SH3RF1: variants seen among roughly 807,000 people sequenced by gnomAD.
SH3RF1 encodes the protein SH3 domain containing ring finger 1, also known as E3 ubiquitin-protein ligase SH3RF1.
SH3RF1 carries 32 observed loss-of-function variants against 74.0 expected under a neutral mutation model. That is an observed-to-expected ratio of 0.43 (90% confidence interval 0.33 to 0.58). The LOEUF is 0.58. Ranked by LOEUF, SH3RF1 falls within the 20% of genes least tolerant of loss-of-function variation. The probability of loss-of-function intolerance (pLI) is 0.05; values close to 1 mark genes in which losing one functional copy is unlikely to be tolerated. For missense variants in SH3RF1, 954 were observed against 1,130.9 expected, an observed-to-expected ratio of 0.84 and a Z score of 2.24; for synonymous variants, 396 against 439.6, an observed-to-expected ratio of 0.90 and a Z score of 1.24.
chr4:169,107,654 T>C (rs1733168748), intron 10 of SH3RF1, among the ~76,000 whole-genome samples: 1 of 152,256 alleles, frequency 6.6e-6, no homozygotes, highest in Admixed American at 6.5e-5. Context: ...CTGCCTATCC[T>C]ATCTCTAATT....
intron 4 of SH3RF1, among the ~76,000 whole-genome samples, chr4:169,144,838 A>G (rs1364035748): frequency 6.6e-6 from 1 of 152,096 alleles, no homozygotes; most frequent in Non-Finnish European, 1.5e-5. Flanking sequence ...AACCACTCTA[A>G]GTCAAGCATA....
At chr4:169,176,911 G>C (rs1010032733) in intron 2 of SH3RF1, among the ~76,000 whole-genome samples, 53 of 151,318 alleles carry the variant, frequency 3.5e-4, no homozygotes, top group Non-Finnish European at 8.9e-5. Flanking sequence ...GCATGTTACC[G>C]TGCCTGGTTA....
intron 11 of SH3RF1, among the ~76,000 whole-genome samples, chr4:169,101,975 T>A (rs1322943794): frequency 6.6e-6 from 1 of 152,228 alleles, no homozygotes; most frequent in African/African-American, 2.4e-5. Flanking sequence ...CAATCTTTTA[T>A]TAGTATACAT....
chr4:169,118,962 C>A (rs1159827609), intron 8 of SH3RF1, among the ~76,000 whole-genome samples: 4 of 152,182 alleles, frequency 2.6e-5, no homozygotes, highest in African/African-American at 7.2e-5. Context: ...TTCCATATTC[C>A]AAATTCATTT....
chr4:169,230,620 A>G (rs1464098014), intron 2 of SH3RF1, among the ~76,000 whole-genome samples: 1 of 152,138 alleles, frequency 6.6e-6, no homozygotes, highest in African/African-American at 2.4e-5. Context: ...TCACTTTGGG[A>G]GGCCAAGATG....
chr4:169,163,054 C>T (rs1343175675), intron 2 of SH3RF1, among the ~76,000 whole-genome samples: 2 of 150,670 alleles, frequency 1.3e-5, no homozygotes, highest in African/African-American at 4.9e-5. Context: ...AGCAGCCTTG[C>T]TGTTTTGCGG....
At chr4:169,167,062 T>C in intron 2 of SH3RF1, 1 of 202,184 alleles carries the variant, frequency 4.9e-6, no homozygotes, top group East Asian at 1.5e-4. Context: ...CAGGGCTACC[T>C]ATAATCTGTG....
At chr4:169,114,183 G>A (rs1733291771) in intron 10 of SH3RF1, among the ~76,000 whole-genome samples, 1 of 152,270 alleles carries the variant, frequency 6.6e-6, no homozygotes, top group African/African-American at 2.4e-5. Flanking sequence ...ATCAAGGTGT[G>A]GCAGGGCTGG....
intron 2 of SH3RF1, among the ~76,000 whole-genome samples, chr4:169,197,013 TA>T (rs1025686611): frequency 3.3e-5 from 5 of 152,138 alleles, no homozygotes; most frequent in Admixed American, 3.3e-4. Context: ...AATTTATTAT[TA>T]TTATTTTTTG....
chr4:169,144,295 A>G (rs1377947695), intron 4 of SH3RF1, among the ~76,000 whole-genome samples: 1 of 152,226 alleles, frequency 6.6e-6, no homozygotes, highest in Non-Finnish European at 1.5e-5. Flanking sequence ...AACATGAAGC[A>G]AGACTTAATG....
chr4:169,165,615 C>T (rs1172114378), intron 2 of SH3RF1, among the ~76,000 whole-genome samples: 1 of 147,616 alleles, frequency 6.8e-6, no homozygotes, highest in Non-Finnish European at 1.5e-5. Flanking sequence ...CAGAGCAAGA[C>T]TCTGTCTCAG....
At chr4:169,224,405 C>G (rs1730622888) in intron 2 of SH3RF1, among the ~76,000 whole-genome samples, 1 of 151,910 alleles carries the variant, frequency 6.6e-6, no homozygotes, top group Non-Finnish European at 1.5e-5. Flanking sequence ...GCAACCTCCA[C>G]CTCCTGGGTT....
chr4:169,209,098 G>C (rs1248601092), intron 2 of SH3RF1, among the ~76,000 whole-genome samples: 1 of 152,014 alleles, frequency 6.6e-6, no homozygotes, highest in Non-Finnish European at 1.5e-5. Context: ...AGACCAGCCT[G>C]GCCAACATGG....
chr4:169,228,396 T>TTC (rs397704026), intron 2 of SH3RF1, among the ~76,000 whole-genome samples: 1 of 152,012 alleles, frequency 6.6e-6, no homozygotes, highest in South Asian at 2.1e-4. Flanking sequence ...GTGTTTTTTT[T>TTC]CTGGAGGTTC....
At chr4:169,215,816 G>C (rs150366418) in intron 2 of SH3RF1, among the ~76,000 whole-genome samples, 42 of 150,882 alleles carry the variant, frequency 2.8e-4, no homozygotes, top group Non-Finnish European at 4.7e-4. Flanking sequence ...TCCTGTGTGT[G>C]TGAAGCGTGA....
At chr4:169,160,396 G>C (rs1734131961) in intron 2 of SH3RF1, among the ~76,000 whole-genome samples, 1 of 152,072 alleles carries the variant, frequency 6.6e-6, no homozygotes, top group South Asian at 2.1e-4. Flanking sequence ...AATCATCAAG[G>C]ATTCTAAATA....
chr4:169,268,237 G>A (rs1208027647), intron 2 of SH3RF1, among the ~76,000 whole-genome samples: 1 of 152,144 alleles, frequency 6.6e-6, no homozygotes, highest in African/African-American at 2.4e-5. Flanking sequence ...AAAGCTAGAT[G>A]TTTTAGTGTA....
chr4:169,104,307 G>C (rs1207241239), intron 11 of SH3RF1, among the ~76,000 whole-genome samples: 1 of 152,210 alleles, frequency 6.6e-6, no homozygotes, highest in Non-Finnish European at 1.5e-5. Flanking sequence ...TGGAGGGAGG[G>C]AGGGAGGCTT....
intron 1 of SH3RF1, chr4:169,269,567 A>T: frequency 1.0e-5 from 2 of 191,294 alleles, no homozygotes. Context: ...GTATTACATA[A>T]TTCCCGCAGA....
Sources: allele counts gnomAD v4.1 joint callset (sites outside exome capture counted in the v4.1 genomes callset), GRCh38; gene constraint gnomAD v4.1.1; transcripts MANE v1.5; gene names NCBI Gene and HGNC (gene_info 2026-07-23, HGNC 2026-07-21).